Variants in CACNA2D3 observed in about 807,000 individuals in gnomAD.
The protein encoded by CACNA2D3 is calcium voltage-gated channel auxiliary subunit alpha2delta 3, also known as voltage-dependent calcium channel subunit alpha-2/delta-3.
A neutral mutation model predicts 160.6 loss-of-function variants in CACNA2D3; 60 were observed. That is an observed-to-expected ratio of 0.37 (90% CI 0.30 to 0.46). The LOEUF is 0.46. CACNA2D3 is among the 20% of genes least tolerant of loss of function. CACNA2D3 has a pLI of 1.00. For missense variants in CACNA2D3, 1,205 were observed against 1,365.0 expected (o/e 0.88, Z 1.85); for synonymous variants, 558 against 492.9 (o/e 1.13, Z -1.75).
chr3:54,963,572 G>C (rs1702080570), intron 27 of CACNA2D3, among the ~76,000 whole-genome samples: 1 of 152,208 alleles, frequency 6.6e-6, no homozygotes, highest in Non-Finnish European at 1.5e-5. Flanking sequence ...AATTTGGACA[G>C]CACAGGATCA....
intron 3 of CACNA2D3, among the ~76,000 whole-genome samples, chr3:54,355,774 G>A (rs1698637795): frequency 6.6e-6 from 1 of 152,202 alleles, no homozygotes; most frequent in Non-Finnish European, 1.5e-5. Flanking sequence ...GGTATATTAA[G>A]TCATGTGTCT....
chr3:54,428,238 T>C (rs1699937570), intron 4 of CACNA2D3, among the ~76,000 whole-genome samples: 1 of 152,224 alleles, frequency 6.6e-6, no homozygotes, highest in African/African-American at 2.4e-5. Context: ...AGTTAGACTT[T>C]CTCAGGTTCT....
intron 27 of CACNA2D3, among the ~76,000 whole-genome samples, chr3:54,911,901 T>C (rs1483178446): frequency 6.6e-6 from 1 of 152,192 alleles, no homozygotes; most frequent in African/African-American, 2.4e-5. Flanking sequence ...GCTACAGACA[T>C]TGTAGCTACA....
intron 3 of CACNA2D3, among the ~76,000 whole-genome samples, chr3:54,360,502 G>A (rs1478262948): frequency 6.6e-6 from 1 of 152,106 alleles, no homozygotes; most frequent in Non-Finnish European, 1.5e-5. Context: ...TATCCCTCTT[G>A]TGGCAGGACT....
chr3:54,315,577 A>C (rs1283872227), intron 2 of CACNA2D3, among the ~76,000 whole-genome samples: 1 of 152,196 alleles, frequency 6.6e-6, no homozygotes, highest in African/African-American at 2.4e-5. Flanking sequence ...CAAAAGATGG[A>C]GCATCTAGAA....
intron 11 of CACNA2D3, among the ~76,000 whole-genome samples, chr3:54,723,110 GC>G (rs1701203968): frequency 6.6e-6 from 1 of 152,218 alleles, no homozygotes; most frequent in South Asian, 2.1e-4. Flanking sequence ...GAGAAATCTG[GC>G]AGTCTGGCCA....
chr3:54,378,920 T>G (rs1699054649), intron 3 of CACNA2D3, among the ~76,000 whole-genome samples: 1 of 152,226 alleles, frequency 6.6e-6, no homozygotes. Flanking sequence ...CCATTCACAC[T>G]GATAACGGGT....
chr3:54,290,995 C>G (rs1326812775), intron 2 of CACNA2D3, among the ~76,000 whole-genome samples: 1 of 152,088 alleles, frequency 6.6e-6, no homozygotes, highest in Non-Finnish European at 1.5e-5. Flanking sequence ...CAACATGGCA[C>G]ATGTATACAT....
chr3:54,589,667 A>G (rs192771809), intron 9 of CACNA2D3, among the ~76,000 whole-genome samples: 32 of 152,318 alleles, frequency 2.1e-4, no homozygotes, highest in Admixed American at 2.0e-3. Flanking sequence ...ACATGTCCAC[A>G]AATATATAGA....
chr3:54,982,665 C>T (rs998824068), intron 29 of CACNA2D3, among the ~76,000 whole-genome samples: 3 of 151,268 alleles, frequency 2.0e-5, no homozygotes, highest in African/African-American at 4.9e-5. Flanking sequence ...AGAATGGCTA[C>T]ACTGTAGGCA....
At chr3:54,525,052 A>G (rs1485281256) in intron 5 of CACNA2D3, among the ~76,000 whole-genome samples, 1 of 152,138 alleles carries the variant, frequency 6.6e-6, no homozygotes, top group Non-Finnish European at 1.5e-5. Context: ...TATAGTATAT[A>G]GTATACTAAA....
chr3:54,206,285 A>G (rs1264271570), intron 2 of CACNA2D3, among the ~76,000 whole-genome samples: 1 of 152,200 alleles, frequency 6.6e-6, no homozygotes, highest in Admixed American at 6.5e-5. Context: ...TCCTGAGGCT[A>G]TGAGACACTG....
intron 5 of CACNA2D3, among the ~76,000 whole-genome samples, chr3:54,507,912 GA>G (rs1301303708): frequency 6.6e-6 from 1 of 152,254 alleles, no homozygotes; most frequent in African/African-American, 2.4e-5. Context: ...TGAACACTTA[GA>G]GGGGTGGATG....
At chr3:54,584,545 C>A (rs6779471) in intron 9 of CACNA2D3, among the ~76,000 whole-genome samples, 65,704 of 151,402 alleles carry the variant, frequency 0.43, 15,822 homozygotes, top group African/African-American at 0.65. Context: ...GGGACAATAA[C>A]AAAAAAATAT....
At chr3:54,918,729 C>A (rs1389174995) in intron 27 of CACNA2D3, 2 of 1,614,154 alleles carry the variant, frequency 1.2e-6, no homozygotes, top group Non-Finnish European at 1.7e-6. Flanking sequence ...TCTCAGGAGG[C>A]CTCAGGACCA....
At chr3:54,730,830 T>C (rs1401598866) in intron 11 of CACNA2D3, among the ~76,000 whole-genome samples, 1 of 152,184 alleles carries the variant, frequency 6.6e-6, no homozygotes, top group Non-Finnish European at 1.5e-5. Flanking sequence ...CATAGCACAG[T>C]GAGTATGACT....
chr3:55,043,463 T>A (rs1477849817), intron 35 of CACNA2D3, among the ~76,000 whole-genome samples: 1 of 152,100 alleles, frequency 6.6e-6, no homozygotes, highest in Non-Finnish European at 1.5e-5. Context: ...TTATTCAATA[T>A]CTGTTCAAAT....
intron 3 of CACNA2D3, among the ~76,000 whole-genome samples, chr3:54,366,412 T>TTTCTTTTTGAAACCCTAA (rs1698828581): frequency 2.0e-5 from 3 of 152,218 alleles, no homozygotes; most frequent in Admixed American, 2.0e-4. Flanking sequence ...GAAGTTAGGG[T>TTTCTTTTTGAAACCCTAA]TTCTTTTTGA....
At chr3:54,505,561 G>A (rs899835654) in intron 5 of CACNA2D3, among the ~76,000 whole-genome samples, 1 of 152,144 alleles carries the variant, frequency 6.6e-6, no homozygotes, top group South Asian at 2.1e-4. Context: ...TCTCTAGAAT[G>A]ATCCTGTCAG....
Sources: gnomAD v4.1 joint callset for allele counts (sites outside exome capture counted in the v4.1 genomes callset) on GRCh38, gnomAD v4.1.1 for gene constraint, MANE v1.5 for transcripts, NCBI Gene and HGNC (gene_info 2026-07-23, HGNC 2026-07-21) for gene names.